Variants in FHIP1A observed in about 807,000 individuals in gnomAD.
FHIP1A encodes FHF complex subunit HOOK-interacting protein 1A.
FHIP1A carries 61 observed loss-of-function variants against 88.6 expected under a neutral mutation model. The ratio of observed to expected loss-of-function variants is 0.69; its 90% confidence interval spans 0.56 to 0.85. The LOEUF is 0.85. FHIP1A is among the 40% of genes least tolerant of loss of function. The probability of loss-of-function intolerance (pLI) is 0.00; values close to 1 mark genes in which losing one functional copy is unlikely to be tolerated. For synonymous variants in FHIP1A, 478 were observed against 496.0 expected (o/e 0.96, Z 0.48); for missense variants, 1,154 against 1,273.5 (o/e 0.91, Z 1.43).
Position 151,573,195 on chromosome 4 carries a change from A to G in FHIP1A, c.106-4255A>G, listed in dbSNP as rs1339535699. Among the ~76,000 whole-genome samples the G allele has an allele frequency of 4.6e-5, 7 of 152,136 alleles. No homozygotes were observed. The East Asian group carries it at 9.7e-4, about 21-fold the overall frequency. Reference sequence around the variant, plus strand: ...AGCATTGTTCACACTGTTGATTTTTATGTGTTTCTTTCTTTTTGGAATTGT... The same window carrying G: ...AGCATTGTTCACACTGTTGATTTTTGTGTGTTTCTTTCTTTTTGGAATTGT... On this transcript the variant is annotated intron_variant, in intron 4 of 13. Transcript: ENST00000435205.
intron 2 of FHIP1A, among the ~76,000 whole-genome samples, chr4:151,461,399 G>T (rs761715715): frequency 4.0e-4 from 61 of 152,128 alleles, no homozygotes; most frequent in Admixed American, 1.1e-3. Context: ...GGTATGGTGG[G>T]CATGGCACTC....
At chr4:151,442,067 T>C (rs2126561817) in intron 1 of FHIP1A, among the ~76,000 whole-genome samples, 1 of 152,320 alleles carries the variant, frequency 6.6e-6, no homozygotes, top group East Asian at 1.9e-4. Flanking sequence ...GATTTTGACA[T>C]TTTAATTATT....
intron 3 of FHIP1A, among the ~76,000 whole-genome samples, chr4:151,544,594 A>G (rs1732415805): frequency 6.6e-6 from 1 of 152,110 alleles, no homozygotes; most frequent in African/African-American, 2.4e-5. Context: ...ACAGACCGAG[A>G]CCTCAGACTC....
At chr4:151,611,903 G>T (rs1283324622) in intron 7 of FHIP1A, among the ~76,000 whole-genome samples, 1 of 152,214 alleles carries the variant, frequency 6.6e-6, no homozygotes, top group Non-Finnish European at 1.5e-5. Flanking sequence ...TCACAGATTA[G>T]ATGGATTGAT....
chr4:151,574,207 C>A (rs1424534477), intron 4 of FHIP1A, among the ~76,000 whole-genome samples: 1 of 152,218 alleles, frequency 6.6e-6, no homozygotes, highest in Non-Finnish European at 1.5e-5. Flanking sequence ...TTATAACACA[C>A]CCATCTTCCA....
chr4:151,429,414 G>A (rs1475725946), intron 1 of FHIP1A, among the ~76,000 whole-genome samples: 6 of 152,168 alleles, frequency 3.9e-5, no homozygotes, highest in Admixed American at 6.5e-5. Context: ...AAAGTGAAAC[G>A]TGCCCTTCAA....
chr4:151,447,362 T>A (rs1203026594), intron 1 of FHIP1A, among the ~76,000 whole-genome samples: 3 of 152,182 alleles, frequency 2.0e-5, no homozygotes, highest in African/African-American at 2.4e-5. Context: ...AAGGCTTACG[T>A]GTTCTTAGAG....
At chr4:151,586,014 C>T (rs1734196278) in intron 5 of FHIP1A, among the ~76,000 whole-genome samples, 1 of 152,068 alleles carries the variant, frequency 6.6e-6, no homozygotes, top group African/African-American at 2.4e-5. Flanking sequence ...TGCTGACCCC[C>T]AATTCTTTCT....
chr4:151,599,484 C>G (rs1396858213), intron 7 of FHIP1A, among the ~76,000 whole-genome samples: 1 of 152,140 alleles, frequency 6.6e-6, no homozygotes, highest in African/African-American at 2.4e-5. Context: ...GGAGAGCTTT[C>G]AGACTGCAAC....
intron 3 of FHIP1A, among the ~76,000 whole-genome samples, chr4:151,526,709 C>T (rs189937619): frequency 0.35 from 52,506 of 150,528 alleles, 9,674 homozygotes; most frequent in Non-Finnish European, 0.42. Flanking sequence ...CGGGCGGAGA[C>T]GCTCCTCACT....
intron 1 of FHIP1A, among the ~76,000 whole-genome samples, chr4:151,435,370 A>C (rs977272587): frequency 7.2e-5 from 11 of 152,218 alleles, no homozygotes; most frequent in Non-Finnish European, 1.6e-4. Flanking sequence ...TGTGGTATAT[A>C]AATCTTATAA....
intron 7 of FHIP1A, among the ~76,000 whole-genome samples, chr4:151,627,529 A>G (rs1462388883): frequency 3.3e-5 from 5 of 152,248 alleles, no homozygotes; most frequent in Non-Finnish European, 5.9e-5. Flanking sequence ...CAGAAACTAC[A>G]TACATGGCCT....
At chr4:151,455,094 G>C (rs1337888262) in intron 2 of FHIP1A, among the ~76,000 whole-genome samples, 1 of 152,112 alleles carries the variant, frequency 6.6e-6, no homozygotes, top group East Asian at 1.9e-4. Context: ...AAGCTGCTTA[G>C]TTTAACAATT....
At chr4:151,443,264 C>G (rs1244555063) in intron 1 of FHIP1A, among the ~76,000 whole-genome samples, 1 of 152,082 alleles carries the variant, frequency 6.6e-6, no homozygotes, top group Admixed American at 6.5e-5. Context: ...CACCACTACA[C>G]TCCAGCCTGG....
intron 7 of FHIP1A, among the ~76,000 whole-genome samples, chr4:151,617,313 A>T (rs1049156945): frequency 6.7e-5 from 8 of 119,868 alleles, no homozygotes; most frequent in Non-Finnish European, 1.2e-4. Flanking sequence ...ATTCATACTT[A>T]AAAAAAAAAA....
intron 3 of FHIP1A, among the ~76,000 whole-genome samples, chr4:151,545,369 CTT>C (rs569126288): frequency 0.1 from 8,336 of 79,726 alleles, 66 homozygotes; most frequent in African/African-American, 0.16. Flanking sequence ...CCTTATCCTT[CTT>C]TTTTTTTTTT....
chr4:151,611,334 G>T (rs1353742695), intron 7 of FHIP1A, among the ~76,000 whole-genome samples: 1 of 152,140 alleles, frequency 6.6e-6, no homozygotes, highest in African/African-American at 2.4e-5. Context: ...AACCAGAGTT[G>T]AGACAGATAC....
At chr4:151,527,210 C>T (rs947480818) in intron 3 of FHIP1A, among the ~76,000 whole-genome samples, 32 of 152,332 alleles carry the variant, frequency 2.1e-4, no homozygotes, top group Admixed American at 8.5e-4. Flanking sequence ...CGAGATCACG[C>T]CACTGCACTC....
At chr4:151,578,114 C>CT in intron 5 of FHIP1A, 38 bp downstream of exon 5, 1 of 1,517,496 alleles carries the variant, frequency 6.6e-7, no homozygotes, top group Middle Eastern at 1.8e-4. Context: ...CACTCACTCC[C>CT]TTTTTTCTCT....
Sources: gnomAD v4.1 joint callset for allele counts (sites outside exome capture counted in the v4.1 genomes callset) on GRCh38, gnomAD v4.1.1 for gene constraint, MANE v1.5 for transcripts, NCBI Gene and HGNC (gene_info 2026-07-23, HGNC 2026-07-21) for gene names.